Variants in MEF2A observed in about 807,000 individuals in gnomAD.
MEF2A encodes myocyte enhancer factor 2A.
MEF2A carries 28 observed loss-of-function variants against 55.8 expected under a neutral mutation model. That is an observed-to-expected ratio of 0.50 (90% CI 0.37 to 0.69). The LOEUF (loss-of-function observed/expected upper bound fraction) is 0.69, where lower values mean the gene tolerates loss of function less well. Among genes scored for constraint, MEF2A ranks in the 30% least tolerant of loss-of-function variants. MEF2A has a pLI of 0.00. For synonymous variants in MEF2A, 239 were observed against 227.1 expected, an observed-to-expected ratio of 1.05 and a Z score of -0.47; for missense variants, 528 against 626.2, an observed-to-expected ratio of 0.84 and a Z score of 1.67.
rs547681007 is a variant in MEF2A at position 99,675,964 on chromosome 15, C to T, written c.670+506C>T. On this transcript the variant is annotated intron_variant, in intron 7 of 11. Transcript: ENST00000557942. ...CCGAGGGAGGAGAATTGCTTGAATC[C>T]GGGAGGCGGTGGTTGCAGTGAGCTG... is the stretch of plus-strand genomic sequence containing the variant. 1.6e-4 allele frequency among the ~76,000 whole-genome samples: 25 copies of T among 151,650 alleles called. 1 individual carries two copies. The highest frequency in any genetic ancestry group is 5.8e-4 in the African/African-American group (24 of 41,334).
chr15:99,705,994 A>C (rs1204139404), intron 9 of MEF2A, among the ~76,000 whole-genome samples: 1 of 152,240 alleles, frequency 6.6e-6, no homozygotes, highest in Non-Finnish European at 1.5e-5. Flanking sequence ...GTCTTAGACT[A>C]ACTGGATTAT....
chr15:99,634,156 G>A (rs2043375616), intron 3 of MEF2A, among the ~76,000 whole-genome samples: 2 of 152,192 alleles, frequency 1.3e-5, no homozygotes, highest in South Asian at 4.1e-4. Flanking sequence ...CTGAAGATGT[G>A]TTCTGCAAAT....
intron 1 of MEF2A, chr15:99,566,706 G>A (rs1959723347): frequency 1.3e-5 from 2 of 152,364 alleles, no homozygotes; most frequent in Admixed American, 6.5e-5. Flanking sequence ...TGGACTTGAA[G>A]AAGTTCCCCC....
At chr15:99,624,341 T>A (rs1400460866) in intron 2 of MEF2A, among the ~76,000 whole-genome samples, 1 of 152,222 alleles carries the variant, frequency 6.6e-6, no homozygotes, top group Non-Finnish European at 1.5e-5. Context: ...TTTGATCTAT[T>A]GTGATTTAAT....
At chr15:99,611,000 G>T (rs181725987) in intron 2 of MEF2A, among the ~76,000 whole-genome samples, 1 of 152,346 alleles carries the variant, frequency 6.6e-6, no homozygotes, top group East Asian at 1.9e-4. Context: ...CCAGCACTTC[G>T]GGAGGCCGAG....
At chr15:99,625,852 T>C (rs2153347132) in intron 2 of MEF2A, among the ~76,000 whole-genome samples, 1 of 152,280 alleles carries the variant, frequency 6.6e-6, no homozygotes, top group African/African-American at 2.4e-5. Flanking sequence ...CCTTTTAATA[T>C]TCGGTAGAAT....
intron 1 of MEF2A, among the ~76,000 whole-genome samples, chr15:99,588,847 G>A (rs1163321074): frequency 6.6e-6 from 1 of 151,672 alleles, no homozygotes; most frequent in Non-Finnish European, 1.5e-5. Context: ...GGTTTTTTTG[G>A]CATGTTAATG....
At chr15:99,700,885 A>G (rs2057313029) in intron 8 of MEF2A, among the ~76,000 whole-genome samples, 1 of 149,708 alleles carries the variant, frequency 6.7e-6, no homozygotes. Context: ...CATTGAGTCC[A>G]TTACTGATAT....
intron 2 of MEF2A, among the ~76,000 whole-genome samples, chr15:99,606,915 T>C (rs1975354564): frequency 6.6e-6 from 1 of 152,184 alleles, no homozygotes; most frequent in Non-Finnish European, 1.5e-5. Flanking sequence ...ACACTCAATA[T>C]GATGTTCATC....
intron 4 of MEF2A, among the ~76,000 whole-genome samples, chr15:99,650,016 A>G (rs528840265): frequency 6.6e-6 from 1 of 152,270 alleles, no homozygotes; most frequent in East Asian, 1.9e-4. Context: ...TCATTTAAGG[A>G]TGTAAATAAA....
intron 3 of MEF2A, among the ~76,000 whole-genome samples, chr15:99,645,295 G>A (rs1438987657): frequency 2.6e-5 from 4 of 152,154 alleles, no homozygotes; most frequent in African/African-American, 9.7e-5. Context: ...TCCTTCTGTG[G>A]TGCTTCACCC....
intron 7 of MEF2A, among the ~76,000 whole-genome samples, chr15:99,686,856 C>G (rs1240179296): frequency 1.3e-5 from 2 of 151,978 alleles, no homozygotes; most frequent in Non-Finnish European, 2.9e-5. Flanking sequence ...ACCACTTATT[C>G]TTAGGTTTGG....
rs983573067 is a variant in MEF2A, at chr15:99,653,348, C to G, written c.258+7584C>G. On this transcript the variant is annotated intron_variant, in intron 4 of 11. Coordinates refer to ENST00000557942, the MANE Select transcript of MEF2A (RefSeq NM_001319206.4). ...GAAGTTATTTTTGTGGCTCTGTTCT[C>G]AGAGAGAGACTAGGGATCTAGATTC... Among the ~76,000 whole-genome samples, 4 of 152,248 alleles carry G rather than the reference C, an allele frequency of 2.6e-5. No homozygotes were observed. In the East Asian group the frequency reaches 7.7e-4, roughly 29 times the overall value.
At chr15:99,683,604 A>G (rs972081728) in intron 7 of MEF2A, among the ~76,000 whole-genome samples, 1 of 150,652 alleles carries the variant, frequency 6.6e-6, no homozygotes, top group African/African-American at 2.5e-5. Flanking sequence ...GGGTTTCGCC[A>G]TGTTGGCCAG....
chr15:99,666,987 A>G (rs566682836), intron 4 of MEF2A, among the ~76,000 whole-genome samples: 9 of 152,374 alleles, frequency 5.9e-5, no homozygotes, highest in African/African-American at 1.9e-4. Context: ...CTGTCTTGTC[A>G]TATTTCATCG....
intron 2 of MEF2A, among the ~76,000 whole-genome samples, chr15:99,619,058 A>G (rs1052705259): frequency 6.6e-6 from 1 of 152,182 alleles, no homozygotes; most frequent in South Asian, 2.1e-4. Context: ...TGGCATGGCT[A>G]TTGAGGATGG....
Position 99,633,199 on chromosome 15 carries a change from A to G in MEF2A, c.54+26A>G, listed in dbSNP as rs757407518. ...GTAAATGAAAATTTTAATTTATTTA[A>G]TTGATATGAATATTCTTTTAAAAAA... On this transcript the variant is annotated intron_variant, in intron 3 of 11. Transcript: ENST00000557942. The G allele has an allele frequency of 3.5e-6, 5 of 1,448,092 alleles. No individual in the cohort carries two copies. The African/African-American group carries it at 5.9e-5, about 17-fold the overall frequency. The allele number at this position is 1,448,092 out of a possible 1,614,324, so 89.7% of individuals were successfully genotyped here. A position where few individuals can be genotyped will look rare whatever the true frequency, so the allele number is the denominator to read the frequency against.
chr15:99,685,280 T>C (rs2054008923), intron 7 of MEF2A, among the ~76,000 whole-genome samples: 1 of 152,250 alleles, frequency 6.6e-6, no homozygotes, highest in African/African-American at 2.4e-5. Flanking sequence ...TAGATTGCTT[T>C]TGGCAGTATG....
intron 1 of MEF2A, among the ~76,000 whole-genome samples, chr15:99,594,922 A>C (rs1338625446): frequency 6.6e-6 from 1 of 152,234 alleles, no homozygotes; most frequent in Non-Finnish European, 1.5e-5. Flanking sequence ...ATTGATGTAC[A>C]ACGTATATCT....
Sources: allele counts gnomAD v4.1 joint callset (sites outside exome capture counted in the v4.1 genomes callset), GRCh38; gene constraint gnomAD v4.1.1; transcripts MANE v1.5; gene names NCBI Gene and HGNC (gene_info 2026-07-23, HGNC 2026-07-21).